MYRIP: variants seen among roughly 807,000 people sequenced by gnomAD.
MYRIP encodes myosin VIIA and Rab interacting protein.
In MYRIP, 49 loss-of-function variants were observed where a neutral mutation model predicts 98.0. That is an observed-to-expected ratio of 0.50 (90% CI 0.40 to 0.63). The LOEUF (loss-of-function observed/expected upper bound fraction) is 0.63, where lower values mean the gene tolerates loss of function less well. Ranked by LOEUF, MYRIP falls within the 30% of genes least tolerant of loss-of-function variation. The probability of loss-of-function intolerance (pLI) is 0.00; values close to 1 mark genes in which losing one functional copy is unlikely to be tolerated. For missense variants in MYRIP, 1,004 were observed against 1,058.2 expected (o/e 0.95, Z 0.71); for synonymous variants, 404 against 409.5 (o/e 0.99, Z 0.16).
intron 3 of MYRIP, among the ~76,000 whole-genome samples, chr3:40,060,194 G>A (rs1281600414): frequency 2.0e-5 from 3 of 152,148 alleles, no homozygotes; most frequent in African/African-American, 7.2e-5. Flanking sequence ...TCCCTCAGGG[G>A]TGACCCCTGC....
chr3:39,848,530 T>C (rs1413338879), intron 1 of MYRIP, among the ~76,000 whole-genome samples: 1 of 152,238 alleles, frequency 6.6e-6, no homozygotes, highest in East Asian at 1.9e-4. Context: ...TAAGGGAAGT[T>C]CTACTGATTA....
intron 3 of MYRIP, among the ~76,000 whole-genome samples, chr3:40,106,045 C>T (rs896607965): frequency 6.6e-6 from 1 of 151,950 alleles, no homozygotes; most frequent in Admixed American, 6.6e-5. Flanking sequence ...CCACCAGACC[C>T]CACCTCCAAC....
intron 5 of MYRIP, 31 bp downstream of exon 5, chr3:40,162,841 G>A (rs371271824): frequency 1.6e-5 from 26 of 1,593,080 alleles, no homozygotes; most frequent in Non-Finnish European, 2.2e-5. Context: ...ACAGCTACTG[G>A]GAAGTTGGAG....
chr3:39,937,522 G>A (rs1051310024), intron 2 of MYRIP, among the ~76,000 whole-genome samples: 3 of 152,298 alleles, frequency 2.0e-5, no homozygotes, highest in Non-Finnish European at 4.4e-5. Context: ...TATATTTGAG[G>A]CCTGTCATCC....
chr3:40,235,118 G>C (rs148396596), intron 12 of MYRIP, among the ~76,000 whole-genome samples: 1 of 151,398 alleles, frequency 6.6e-6, no homozygotes, highest in Non-Finnish European at 1.5e-5. Flanking sequence ...CCTATCACAC[G>C]CCACTCCAAA....
At chr3:40,179,005 A>G (rs1950828927) in intron 8 of MYRIP, among the ~76,000 whole-genome samples, 1 of 152,210 alleles carries the variant, frequency 6.6e-6, no homozygotes, top group Admixed American at 6.5e-5. Context: ...ACCCTAGAAT[A>G]AGTAAGACAA....
rs542537802 is a variant in MYRIP, at chr3:39,880,650, T to C, written c.-30-20137T>C. ...GTCTTTTTTTGCTTCTATTTACTCA[T>C]CTGCAAATAATAATTCTTTCTAGCT... On this transcript the variant is annotated intron_variant, in intron 1 of 16. Coordinates refer to ENST00000302541, the MANE Select transcript of MYRIP (RefSeq NM_015460.4). Among the ~76,000 whole-genome samples, 24 of 152,336 alleles carry C rather than the reference T, an allele frequency of 1.6e-4. No homozygotes were observed. In the East Asian group the frequency reaches 4.4e-3, roughly 28 times the overall value.
At chr3:40,205,471 A>C (rs1366405706) in intron 10 of MYRIP, among the ~76,000 whole-genome samples, 1 of 152,168 alleles carries the variant, frequency 6.6e-6, no homozygotes, top group African/African-American at 2.4e-5. Context: ...TTGTTTTCAA[A>C]ATAATGGTCC....
chr3:40,017,557 A>G (rs1469379600), intron 2 of MYRIP, among the ~76,000 whole-genome samples: 1 of 152,200 alleles, frequency 6.6e-6, no homozygotes, highest in Admixed American at 6.5e-5. Flanking sequence ...GTTTTGCTTG[A>G]ATACCTAGCA....
intron 3 of MYRIP, among the ~76,000 whole-genome samples, chr3:40,060,597 G>GAGAGAGAGAGAGAGAGAGAGAGAGAGAT (rs1947990421): frequency 1.2e-5 from 1 of 84,198 alleles, no homozygotes; most frequent in South Asian, 3.7e-4. Flanking sequence ...TTCTTTTTTT[G>GAGAGAGAGAGAGAGAGAGAGAGAGAGAT]AGAGAGAGAG....
At chr3:39,862,129 C>T (rs541298046) in intron 1 of MYRIP, among the ~76,000 whole-genome samples, 2 of 152,200 alleles carry the variant, frequency 1.3e-5, no homozygotes, top group African/African-American at 4.8e-5. Context: ...CCCCATCAGG[C>T]TAACAGTGGA....
At chr3:40,099,442 G>C (rs1278340744) in intron 3 of MYRIP, among the ~76,000 whole-genome samples, 3 of 152,106 alleles carry the variant, frequency 2.0e-5, no homozygotes, top group African/African-American at 7.2e-5. Context: ...ATAGCCATTT[G>C]TACAAATAAA....
chr3:39,940,919 TTGTCTTCTTACATATTCAGC>T (rs1290768897), intron 2 of MYRIP, among the ~76,000 whole-genome samples: 1 of 152,184 alleles, frequency 6.6e-6, no homozygotes, highest in African/African-American at 2.4e-5. Flanking sequence ...CATTGGTAAG[TTGTCTTCTTACATATTCAGC>T]ATTTTATTAC....
At chr3:40,175,716 GC>G (rs879624439) in intron 8 of MYRIP, among the ~76,000 whole-genome samples, 4 of 152,270 alleles carry the variant, frequency 2.6e-5, no homozygotes, top group Non-Finnish European at 5.9e-5. Context: ...TGTAGGCTAA[GC>G]CACTCCTTTA....
At chr3:39,888,449 A>T (rs905104420) in intron 1 of MYRIP, among the ~76,000 whole-genome samples, 12 of 152,072 alleles carry the variant, frequency 7.9e-5, no homozygotes, top group Non-Finnish European at 1.6e-4. Flanking sequence ...TATTTAATAA[A>T]TGGTGCTGGG....
At chr3:40,046,490 C>A (rs2257066) in intron 3 of MYRIP, among the ~76,000 whole-genome samples, 61,926 of 148,512 alleles carry the variant, frequency 0.42, 13,284 homozygotes, top group African/African-American at 0.52. Flanking sequence ...ACAGAATGAG[C>A]CTTTAGGAAT....
chr3:40,145,873 A>G (rs1023167117), intron 3 of MYRIP, among the ~76,000 whole-genome samples: 4 of 152,238 alleles, frequency 2.6e-5, no homozygotes, highest in Admixed American at 6.5e-5. Context: ...AGACTTCAAC[A>G]ACATTACAGT....
chr3:39,962,547 T>C (rs1418389379), intron 2 of MYRIP, among the ~76,000 whole-genome samples: 16 of 151,858 alleles, frequency 1.1e-4, no homozygotes, highest in Non-Finnish European at 4.4e-5. Flanking sequence ...GGTGAAATGG[T>C]GCTTCTTTGT....
chr3:39,866,297 T>A (rs531335050), intron 1 of MYRIP, among the ~76,000 whole-genome samples: 4 of 152,192 alleles, frequency 2.6e-5, no homozygotes, highest in Admixed American at 2.6e-4. Context: ...ATAATTTACC[T>A]GTATAACAAA....
Sources: gnomAD v4.1 joint callset for allele counts (sites outside exome capture counted in the v4.1 genomes callset) on GRCh38, gnomAD v4.1.1 for gene constraint, MANE v1.5 for transcripts, NCBI Gene and HGNC (gene_info 2026-07-23, HGNC 2026-07-21) for gene names.